The following FLACC1 variants were observed in gnomAD, a reference collection of about 807,000 sequenced individuals.
FLACC1 encodes the protein flagellum-associated coiled-coil domain-containing protein 1.
FLACC1 carries 66 observed loss-of-function variants against 62.8 expected under a neutral mutation model. The ratio of observed to expected loss-of-function variants is 1.05; its 90% CI spans 0.86 to 1.29. FLACC1 has a LOEUF of 1.29. FLACC1 is among the 50% of genes most tolerant of loss of function. The pLI is 0.00. For synonymous variants in FLACC1, 156 were observed against 161.0 expected, an observed-to-expected ratio of 0.97 and a Z score of 0.24; for missense variants, 452 against 489.1, an observed-to-expected ratio of 0.92 and a Z score of 0.71.
rs1057150378 is a variant in FLACC1, at chr2:201,351,202, C to T, written c.113+90G>A. On this transcript the variant is annotated intron_variant, in intron 2 of 14. Coordinates refer to ENST00000392257, the MANE Select transcript of FLACC1 (RefSeq NM_001127391.3). The stretch of plus-strand genomic sequence containing the variant: ...TGGCCCACCTGGGATTTTCCTGCCA[C>T]ACTTGCTGTTTTAGAAATCTTGTGA... 5 of 1,164,746 alleles carry T rather than the reference C, an allele frequency of 4.3e-6. No homozygotes were observed. The African/African-American group carries it at 4.6e-5, about 11-fold the overall frequency. The allele number at this position is 1,164,746 out of a possible 1,614,324, so 72.2% of individuals were successfully genotyped here. A position where few individuals can be genotyped will look rare whatever the true frequency, so the allele number is the denominator to read the frequency against.
chr2:201,345,828 A>G (rs1001219502), intron 5 of FLACC1, among the ~76,000 whole-genome samples: 1 of 152,190 alleles, frequency 6.6e-6, no homozygotes, highest in Non-Finnish European at 1.5e-5. Flanking sequence ...AACCTTCCAC[A>G]CTGCATCTCC....
rs1950908600 is a variant in FLACC1 at position 201,346,103 on chromosome 2, T to A, written c.368+439A>T. Among the ~76,000 whole-genome samples the A allele has an allele frequency of 6.6e-6, 1 of 151,978 alleles. No individual in the cohort carries two copies. Among genetic ancestry groups the A allele is most frequent in the Non-Finnish European group, 1.5e-5 (1 of 67,980 alleles). ...TAGCTTAAACCTGGGAGGCAGAAGTTGCAGTGAGCTGAGATCGTGCCACTA... is the reference window on the plus strand; with the variant it reads ...TAGCTTAAACCTGGGAGGCAGAAGTAGCAGTGAGCTGAGATCGTGCCACTA... On this transcript the variant is annotated intron_variant, in intron 5 of 14. Transcript: ENST00000392257. This position sits in a 1 kb window ranked among gnomAD's most constrained non-coding sequence, Gnocchi z 4.0.
At chr2:201,292,368 T>C (rs1377007533) in intron 12 of FLACC1, among the ~76,000 whole-genome samples, 5 of 152,224 alleles carry the variant, frequency 3.3e-5, no homozygotes, top group African/African-American at 7.2e-5. Flanking sequence ...TGAGGGCCAA[T>C]ATTCAACATT....
At chr2:201,340,829 T>G (rs1160602805) in intron 7 of FLACC1, among the ~76,000 whole-genome samples, 2 of 152,216 alleles carry the variant, frequency 1.3e-5, no homozygotes, top group Admixed American at 6.5e-5. Flanking sequence ...AATTTTTGTT[T>G]GGGAAAGTTT....
rs1048132183 is a variant in FLACC1, at chr2:201,357,103, A to G, written c.-169T>C. 6.6e-6 allele frequency: 1 copy of G among 152,242 alleles called. No individual in the cohort carries two copies. Among genetic ancestry groups the G allele is most frequent in the African/African-American group, 2.4e-5 (1 of 41,466 alleles). 9.4% of individuals were successfully genotyped at this position (152,242 alleles called of 1,614,324 possible). A position where few individuals can be genotyped will look rare whatever the true frequency, so the allele number is the denominator to read the frequency against. ...GAATCAGAGTTTACTTTAGATCAAAAGCCACTTTAGTGGCCATTCCAAGTG... is the reference window on the plus strand; with the variant it reads ...GAATCAGAGTTTACTTTAGATCAAAGGCCACTTTAGTGGCCATTCCAAGTG... On this transcript the variant is annotated 5_prime_UTR_variant, in exon 1 of 15. Coordinates refer to ENST00000392257, the MANE Select transcript of FLACC1 (RefSeq NM_001127391.3).
At chr2:201,339,415 T>C (rs899591828) in intron 7 of FLACC1, among the ~76,000 whole-genome samples, 2 of 152,078 alleles carry the variant, frequency 1.3e-5, no homozygotes, top group African/African-American at 4.8e-5. Flanking sequence ...TTTCGTTTAG[T>C]TCTGGTCTGA....
chr2:201,358,153 C>T (rs1260436951), upstream of FLACC1, among the ~76,000 whole-genome samples: 4 of 152,140 alleles, frequency 2.6e-5, no homozygotes, highest in Non-Finnish European at 5.9e-5. Context: ...GGGGATATAC[C>T]TCAGTTCTTA....
chr2:201,355,144 G>A (rs889848449), intron 1 of FLACC1, among the ~76,000 whole-genome samples: 7 of 152,044 alleles, frequency 4.6e-5, no homozygotes, highest in African/African-American at 1.7e-4. Context: ...AATTAGCCAG[G>A]CATGGTGGCA....
upstream of FLACC1, among the ~76,000 whole-genome samples, chr2:201,362,336 C>CT (rs1024159722): frequency 1.7e-4 from 26 of 149,386 alleles, no homozygotes; most frequent in South Asian, 4.3e-4. Context: ...AAAACAGTTT[C>CT]TTTTTTTTTT....
rs550000154 is a variant in FLACC1, at chr2:201,321,320, C to T, written c.675+9150G>A. ...TGGGATCCCCCTGATCCTAGGGGAA[C>T]AGGGAGTGCACCACATCAAGAGAAC... On this transcript the variant is annotated intron_variant, in intron 9 of 14. Coordinates refer to ENST00000392257, the MANE Select transcript of FLACC1 (RefSeq NM_001127391.3). Among the ~76,000 whole-genome samples the T allele has an allele frequency of 7.7e-4, 117 of 152,280 alleles. 1 individual carries two copies. The South Asian group carries it at 0.023, about 30-fold the overall frequency.
At chr2:201,293,008 C>T (rs1207545323) in intron 12 of FLACC1, among the ~76,000 whole-genome samples, 1 of 152,126 alleles carries the variant, frequency 6.6e-6, no homozygotes, top group Non-Finnish European at 1.5e-5. Flanking sequence ...ACAGGAGCAG[C>T]CAGATTCATA....
intron 9 of FLACC1, 105 bp downstream of exon 9, chr2:201,330,365 A>C: frequency 2.7e-6 from 3 of 1,119,756 alleles, no homozygotes; most frequent in Non-Finnish European, 3.8e-6. Flanking sequence ...GATGCTGGGA[A>C]TCTCAGGACA....
chr2:201,300,328 A>G (rs1011460825), intron 11 of FLACC1, among the ~76,000 whole-genome samples: 1 of 152,182 alleles, frequency 6.6e-6, no homozygotes, highest in South Asian at 2.1e-4. Context: ...GCTCACTGCT[A>G]GCACAGCAGT....
chr2:201,346,724 G>T lies in FLACC1; in HGVS notation c.235-49C>A. 6.2e-7 allele frequency: 1 copy of T among 1,609,592 alleles called. No homozygotes were observed. Among genetic ancestry groups the T allele is most frequent in the Non-Finnish European group, 8.5e-7 (1 of 1,178,344 alleles). On this transcript the variant is annotated intron_variant, in intron 4 of 14. Transcript: ENST00000392257. The surrounding 1 kb of genome is among the most constrained non-coding windows in gnomAD (Gnocchi z 4.0). ...TAAAATGGCAGACTTGGAGTGCTGA[G>T]ATTTTTCCAAATCTTCTCTTATTGC...
intron 11 of FLACC1, among the ~76,000 whole-genome samples, chr2:201,301,837 G>C (rs530066077): frequency 6.6e-6 from 1 of 152,228 alleles, no homozygotes; most frequent in South Asian, 2.1e-4. Context: ...GCTAAACTAA[G>C]CTTCATAAGT....
chr2:201,322,077 C>T (rs367850194), intron 9 of FLACC1, among the ~76,000 whole-genome samples: 33 of 151,794 alleles, frequency 2.2e-4, no homozygotes, highest in Middle Eastern at 3.2e-3. Context: ...GAGACCAGCC[C>T]GGCCAATATG....
At position 201,346,451 on chromosome 2, in the gene FLACC1, G is replaced by A. The variant is rs1950915667; in HGVS notation, c.368+91C>T. On this transcript the variant is annotated intron_variant, in intron 5 of 14. Transcript: ENST00000392257. The surrounding 1 kb of genome is among the most constrained non-coding windows in gnomAD (Gnocchi z 4.0). Reference sequence around the variant, plus strand: ...CAGAGCAGGGACCAGTGGCCTGGGTGTGGGCATAGCGGCTTTGGCTTGTCC... The same window carrying A: ...CAGAGCAGGGACCAGTGGCCTGGGTATGGGCATAGCGGCTTTGGCTTGTCC... 3 of 1,565,414 alleles carry A rather than the reference G, an allele frequency of 1.9e-6. No homozygotes were observed. Among genetic ancestry groups the A allele is most frequent in the Non-Finnish European group, 2.6e-6 (3 of 1,158,224 alleles).
chr2:201,302,388 A>G (rs1950004228), intron 11 of FLACC1, among the ~76,000 whole-genome samples: 1 of 152,348 alleles, frequency 6.6e-6, no homozygotes, highest in African/African-American at 2.4e-5. Context: ...TAACTATCCT[A>G]AATACATATG....
At position 201,289,500 on chromosome 2, in the gene FLACC1, T is replaced by A; in HGVS notation, c.1099A>T (p.Lys367Ter). 6.2e-7 allele frequency: 1 copy of A among 1,614,234 alleles called. No individual in the cohort carries two copies. Among genetic ancestry groups the A allele is most frequent in the Non-Finnish European group, 8.5e-7 (1 of 1,180,042 alleles). The change falls in exon 14 of 15, where the codon AAG becomes TAG. Residue 367 changes from lysine (K) to a stop codon, truncating the protein, a stop_gained. Transcript: ENST00000392257. LOFTEE classifies it low-confidence loss of function (END_TRUNC). Reference protein sequence around the residue: ...TKFAETEEKYKHTIQILTEEN... With the variant: ...TKFAETEEKY Reference sequence around the variant, plus strand: ...TCCGTCAGGATCTGTATGGTGTGCTTATACTTTTCTTCAGTTTCAGCAAAC... The same window carrying A: ...TCCGTCAGGATCTGTATGGTGTGCTAATACTTTTCTTCAGTTTCAGCAAAC...
Sources: gnomAD v4.1 joint callset for allele counts (sites outside exome capture counted in the v4.1 genomes callset) on GRCh38, gnomAD v4.1.1 for gene constraint, Gnocchi (gnomAD v3.1) non-coding constraint, MANE v1.5 for transcripts, NCBI Gene and HGNC (gene_info 2026-07-23, HGNC 2026-07-21) for gene names.